CSMD3: variants seen among roughly 807,000 people sequenced by gnomAD.
The protein encoded by CSMD3 is CUB and sushi domain-containing protein 3.
CSMD3 carries 177 observed loss-of-function variants against 435.2 expected under a neutral mutation model. That is an observed-to-expected ratio of 0.41 (90% CI 0.36 to 0.46). CSMD3 has a LOEUF of 0.46. Ranked by LOEUF, CSMD3 falls within the 20% of genes least tolerant of loss-of-function variation. CSMD3 has a pLI of 0.34. For synonymous variants in CSMD3, 1,656 were observed against 1,520.5 expected, an observed-to-expected ratio of 1.09 and a Z score of -2.07; for missense variants, 4,265 against 4,504.6, an observed-to-expected ratio of 0.95 and a Z score of 1.52.
chr8:113,260,749 C>T (rs946993593), intron 3 of CSMD3, among the ~76,000 whole-genome samples: 2 of 152,060 alleles, frequency 1.3e-5, no homozygotes, highest in African/African-American at 4.8e-5. Flanking sequence ...CCATAGGCCC[C>T]AGTGTGTGAT....
chr8:112,885,583 C>T (rs1488908536), intron 10 of CSMD3, among the ~76,000 whole-genome samples: 2 of 151,692 alleles, frequency 1.3e-5, no homozygotes, highest in Admixed American at 6.6e-5. Flanking sequence ...GATTCAAACC[C>T]TCTCTGAGGC....
At chr8:112,723,136 C>G (rs774449648) in intron 13 of CSMD3, among the ~76,000 whole-genome samples, 8 of 151,802 alleles carry the variant, frequency 5.3e-5, no homozygotes, top group Non-Finnish European at 2.9e-5. Context: ...AATCATTAAC[C>G]TAAGTATGCA....
intron 3 of CSMD3, among the ~76,000 whole-genome samples, chr8:113,269,759 T>C (rs1192551633): frequency 1.3e-5 from 2 of 152,018 alleles, no homozygotes; most frequent in African/African-American, 2.4e-5. Context: ...TGGCTAGCCA[T>C]ATGTAGAAAG....
chr8:112,927,007 AT>A (rs1342997139), intron 9 of CSMD3, among the ~76,000 whole-genome samples: 2 of 152,180 alleles, frequency 1.3e-5, no homozygotes, highest in Non-Finnish European at 2.9e-5. Context: ...AAATTAAAGT[AT>A]CTGCAAACCA....
At chr8:112,607,856 C>T (rs1832921842) in intron 22 of CSMD3, among the ~76,000 whole-genome samples, 1 of 152,004 alleles carries the variant, frequency 6.6e-6, no homozygotes, top group Non-Finnish European at 1.5e-5. Context: ...TGACATCAAA[C>T]ATTGAAAAGC....
intron 11 of CSMD3, among the ~76,000 whole-genome samples, chr8:112,832,259 A>T (rs934769394): frequency 6.6e-6 from 1 of 151,520 alleles, no homozygotes; most frequent in South Asian, 2.1e-4. Flanking sequence ...GGTGTAGATA[A>T]CCTATATAAT....
At chr8:113,219,043 T>C (rs971556087) in intron 3 of CSMD3, among the ~76,000 whole-genome samples, 1 of 151,328 alleles carries the variant, frequency 6.6e-6, no homozygotes, top group African/African-American at 2.4e-5. Context: ...GTTTAAAAAC[T>C]CTTGGAAAAA....
chr8:112,325,203 C>T (rs1317451453), intron 45 of CSMD3, among the ~76,000 whole-genome samples: 1 of 152,130 alleles, frequency 6.6e-6, no homozygotes, highest in Non-Finnish European at 1.5e-5. Context: ...TCTACAACCT[C>T]TTACTGTAGT....
At chr8:113,018,820 T>A (rs1183612649) in intron 6 of CSMD3, 1 of 480,078 alleles carries the variant, frequency 2.1e-6, no homozygotes, top group Non-Finnish European at 3.7e-6. Context: ...AAATATTGCA[T>A]CTGCTACATA....
At chr8:113,282,490 C>CA (rs919787007) in intron 2 of CSMD3, among the ~76,000 whole-genome samples, 19 of 149,902 alleles carry the variant, frequency 1.3e-4, no homozygotes, top group East Asian at 9.8e-4. Flanking sequence ...ATGATAGCTG[C>CA]AAAAAAAAAT....
chr8:113,215,889 A>C (rs1020397637), intron 3 of CSMD3, among the ~76,000 whole-genome samples: 1 of 151,784 alleles, frequency 6.6e-6, no homozygotes, highest in African/African-American at 2.4e-5. Flanking sequence ...ATATCAGTCA[A>C]GCTTGGCTTT....
At chr8:112,636,702 T>C (rs4538917) in intron 22 of CSMD3, 115 bp downstream of exon 22, 411,928 of 912,442 alleles carry the variant, frequency 0.45, 95,061 homozygotes, top group African/African-American at 0.58. Flanking sequence ...GTTGAAATAA[T>C]TAATGTGAAA....
intron 4 of CSMD3, among the ~76,000 whole-genome samples, chr8:113,141,149 G>A (rs936389972): frequency 5.3e-5 from 8 of 150,608 alleles, no homozygotes; most frequent in African/African-American, 1.9e-4. Context: ...TTGTGCTATA[G>A]TAATTAAGGA....
At chr8:113,169,973 C>T (rs776719413) in intron 4 of CSMD3, among the ~76,000 whole-genome samples, 23 of 152,092 alleles carry the variant, frequency 1.5e-4, no homozygotes, top group African/African-American at 5.6e-4. Flanking sequence ...TGCCTGTGAA[C>T]AAACACAAAA....
intron 13 of CSMD3, among the ~76,000 whole-genome samples, chr8:112,787,681 A>G (rs1453847134): frequency 1.3e-5 from 2 of 152,182 alleles, no homozygotes; most frequent in East Asian, 1.9e-4. Context: ...GAAATAAGCC[A>G]GGCACAGAAA....
intron 12 of CSMD3, among the ~76,000 whole-genome samples, chr8:112,821,617 ATAGTT>A: frequency 6.6e-6 from 1 of 152,018 alleles, no homozygotes; most frequent in Admixed American, 6.6e-5. Context: ...CACTCTGATG[ATAGTT>A]TACTTTGCTG....
At chr8:112,838,387 G>T (rs1311230404) in intron 11 of CSMD3, among the ~76,000 whole-genome samples, 2 of 151,572 alleles carry the variant, frequency 1.3e-5, no homozygotes, top group East Asian at 1.9e-4. Context: ...TGTTGACAGG[G>T]TTATATTTAA....
intron 4 of CSMD3, among the ~76,000 whole-genome samples, chr8:113,111,682 T>C (rs953635231): frequency 6.6e-6 from 1 of 152,048 alleles, no homozygotes; most frequent in African/African-American, 2.4e-5. Context: ...TATTTATGTA[T>C]TTATTTATTT....
In CSMD3 at chr8:112,231,650, G is replaced by A. The variant is rs1813096692; in HGVS notation, c.10741-18C>T. The A allele has an allele frequency of 1.4e-6, 2 of 1,428,260 alleles. No homozygotes were observed. The highest frequency in any genetic ancestry group is 1.7e-5 in the Admixed American group (1 of 59,758). 88.5% of individuals were successfully genotyped at this position (1,428,260 alleles called of 1,614,324 possible). On this transcript the variant is annotated intron_variant, in intron 68 of 70. Transcript: ENST00000297405. ...GCAGAAACCTAAAAATATTTAAACA[G>A]CCAAATATACTTGAATACTGGCCAT...
Sources: gnomAD v4.1 joint callset for allele counts (sites outside exome capture counted in the v4.1 genomes callset) on GRCh38, gnomAD v4.1.1 for gene constraint, MANE v1.5 for transcripts, NCBI Gene and HGNC (gene_info 2026-07-23, HGNC 2026-07-21) for gene names.